The following CNDP1 variants were observed in gnomAD, a reference collection of about 807,000 sequenced individuals.
The protein encoded by CNDP1 is beta-Ala-His dipeptidase.
Under a neutral mutation model 58.1 loss-of-function variants are expected in CNDP1, and 44 were observed. That is an observed-to-expected ratio of 0.76 (90% CI 0.60 to 0.97). The LOEUF is 0.97. CNDP1 is among the 50% of genes least tolerant of loss of function. The pLI, the probability that CNDP1 is intolerant of heterozygous loss-of-function variation, is 0.00. For synonymous variants in CNDP1, 254 were observed against 252.6 expected (o/e 1.01, Z -0.05); for missense variants, 616 against 655.1 (o/e 0.94, Z 0.65).
chr18:74,550,823 A>G (rs1375137078), intron 1 of CNDP1, among the ~76,000 whole-genome samples: 1 of 151,234 alleles, frequency 6.6e-6, no homozygotes, highest in East Asian at 1.9e-4. Flanking sequence ...GATGGTCTCG[A>G]TCTCCTGACC....
At chr18:74,579,381 T>C (rs1343989173) in intron 9 of CNDP1, among the ~76,000 whole-genome samples, 2 of 135,154 alleles carry the variant, frequency 1.5e-5, no homozygotes, top group African/African-American at 5.5e-5. Context: ...TTTATCTTTC[T>C]CTCCTTCCTC....
intron 6 of CNDP1, among the ~76,000 whole-genome samples, chr18:74,567,972 T>C (rs1392694528): frequency 1.3e-5 from 2 of 152,204 alleles, no homozygotes; most frequent in African/African-American, 4.8e-5. Flanking sequence ...CCTTGAAAGA[T>C]GGTACAATAA....
chr18:74,584,441 C>A, intron 11 of CNDP1, 55 bp from the exon 12 acceptor site: 1 of 1,206,074 alleles, frequency 8.3e-7, no homozygotes. Context: ...TATTTTTCCT[C>A]CTTCATTTGA....
intron 1 of CNDP1, among the ~76,000 whole-genome samples, chr18:74,553,332 TCACCTCATC>T (rs1568293848): frequency 6.6e-6 from 1 of 152,214 alleles, no homozygotes; most frequent in Non-Finnish European, 1.5e-5. Flanking sequence ...TAAGAAACCA[TCACCTCATC>T]CAAAGGTAGG....
At chr18:74,583,538 A>G (rs749495939) in intron 10 of CNDP1, 23 bp from the exon 11 acceptor site, 2 of 1,612,242 alleles carry the variant, frequency 1.2e-6, no homozygotes, top group South Asian at 1.1e-5. Flanking sequence ...ACCCTATTCA[A>G]ATGCCTTCTT....
In CNDP1 at chr18:74,586,197, G is replaced by C. The variant is rs1981911053; in HGVS notation, c.*1635G>C. 1 of 152,052 alleles carries C rather than the reference G, an allele frequency of 6.6e-6. No individual in the cohort carries two copies. Among genetic ancestry groups the C allele is most frequent in the South Asian group, 2.1e-4 (1 of 4,832 alleles). The allele number at this position is 152,052 out of a possible 1,614,324, so 9.4% of individuals were successfully genotyped here. On this transcript the variant is annotated 3_prime_UTR_variant, in exon 12 of 12. Coordinates refer to ENST00000358821, the MANE Select transcript of CNDP1 (RefSeq NM_032649.6). ...CAACTGAGAGCTCAACCTAGTTGTG[G>C]GCATTTGTGAAGGATTCCAGTTAGT...
intron 5 of CNDP1, 106 bp downstream of exon 5, chr18:74,562,241 G>GC (rs1981220963): frequency 1.1e-6 from 1 of 940,654 alleles, no homozygotes; most frequent in Non-Finnish European, 1.7e-6. Context: ...TCACTTACTC[G>GC]CCCCAACAAT....
chr18:74,562,561 C>A (rs2144658374), intron 5 of CNDP1, among the ~76,000 whole-genome samples: 1 of 152,300 alleles, frequency 6.6e-6, no homozygotes, highest in South Asian at 2.1e-4. Context: ...GACACACACA[C>A]ATTTTTAAAA....
intron 6 of CNDP1, among the ~76,000 whole-genome samples, chr18:74,570,283 G>A (rs185865313): frequency 6.6e-6 from 1 of 151,568 alleles, no homozygotes; most frequent in Admixed American, 6.6e-5. Context: ...ACAGGTTAAT[G>A]AACCAGTCCA....
intron 5 of CNDP1, among the ~76,000 whole-genome samples, chr18:74,564,152 G>T (rs547483876): frequency 6.6e-6 from 1 of 152,252 alleles, no homozygotes; most frequent in African/African-American, 2.4e-5. Flanking sequence ...TGTTGCATTT[G>T]TTAATCTGTG....
At chr18:74,557,430 G>A (rs1981072328) in intron 2 of CNDP1, among the ~76,000 whole-genome samples, 1 of 152,144 alleles carries the variant, frequency 6.6e-6, no homozygotes, top group South Asian at 2.1e-4. Context: ...AAAGTAGAGG[G>A]AGGATGAGGA....
Position 74,562,108 on chromosome 18 carries a change from T to C in CNDP1, c.528T>C (p.Ala176=). ...NKGPVLAWIN[A]VSAFRALEQD... Reference sequence around the variant, plus strand: ...GCCCTGTCTTGGCTTGGATCAATGCTGTGAGCGCCTTCAGAGCCCTGGAGC... The same window carrying C: ...GCCCTGTCTTGGCTTGGATCAATGCCGTGAGCGCCTTCAGAGCCCTGGAGC... Residue 176 remains alanine, a synonymous_variant, in exon 5 of 12, where the codon GCT becomes GCC. Transcript: ENST00000358821. 6.2e-7 allele frequency: 1 copy of C among 1,614,120 alleles called. No homozygotes were observed. Among genetic ancestry groups the C allele is most frequent in the Non-Finnish European group, 8.5e-7 (1 of 1,180,004 alleles).
At chr18:74,560,063 G>A (rs568152842) in intron 3 of CNDP1, among the ~76,000 whole-genome samples, 51 of 146,182 alleles carry the variant, frequency 3.5e-4, no homozygotes, top group African/African-American at 1.2e-3. Context: ...AGGCTGGAGT[G>A]CAGTGGTGCA....
At position 74,571,007 on chromosome 18, in the gene CNDP1, G is replaced by A. The variant is rs184081787; in HGVS notation, c.757-179G>A. Among the ~76,000 whole-genome samples the A allele has an allele frequency of 4.9e-4, 74 of 152,296 alleles. 1 individual carries two copies. The highest frequency in any genetic ancestry group is 1.6e-3 in the African/African-American group (68 of 41,558). ...AAGAGATGGTGGGAATGAAGCAATCGACAGCAGGTAGGAAATCCAGTCCCC... is the reference window on the plus strand; with the variant it reads ...AAGAGATGGTGGGAATGAAGCAATCAACAGCAGGTAGGAAATCCAGTCCCC... On this transcript the variant is annotated intron_variant, in intron 6 of 11. Transcript: ENST00000358821.
chr18:74,575,152 A>AGAAG (rs1211924748), intron 7 of CNDP1, among the ~76,000 whole-genome samples: 10 of 152,126 alleles, frequency 6.6e-5, no homozygotes, highest in East Asian at 3.9e-4. Flanking sequence ...AGAAAGAAAG[A>AGAAG]GAAGGAAGGA....
intron 7 of CNDP1, among the ~76,000 whole-genome samples, chr18:74,574,100 T>G (rs7506957): frequency 0.64 from 97,308 of 152,116 alleles, 31,866 homozygotes; most frequent in African/African-American, 0.77. Context: ...GGCTGTGCTG[T>G]GTCCACTCCT....
intron 1 of CNDP1, among the ~76,000 whole-genome samples, chr18:74,555,042 C>G (rs1229983358): frequency 1.3e-5 from 2 of 152,134 alleles, no homozygotes; most frequent in Admixed American, 1.3e-4. Flanking sequence ...TGAGACTTCA[C>G]CAGCCTAGTT....
At chr18:74,542,134 C>T (rs186887793) in intron 1 of CNDP1, among the ~76,000 whole-genome samples, 1 of 152,314 alleles carries the variant, frequency 6.6e-6, no homozygotes, top group Non-Finnish European at 1.5e-5. Context: ...GGTCTTGTTA[C>T]CCAACTCTGT....
At chr18:74,551,717 G>T (rs138460814) in intron 1 of CNDP1, among the ~76,000 whole-genome samples, 52 of 152,198 alleles carry the variant, frequency 3.4e-4, no homozygotes, top group Middle Eastern at 6.8e-3. Context: ...GATTCCTGCT[G>T]AATCTGAACT....
Sources: gnomAD v4.1 joint callset for allele counts (sites outside exome capture counted in the v4.1 genomes callset) on GRCh38, gnomAD v4.1.1 for gene constraint, MANE v1.5 for transcripts, NCBI Gene and HGNC (gene_info 2026-07-23, HGNC 2026-07-21) for gene names.